MICU2: variants seen among roughly 807,000 people sequenced by gnomAD.
MICU2 encodes calcium uptake protein 2, mitochondrial.
MICU2 carries 64 observed loss-of-function variants against 60.4 expected under a neutral mutation model. The observed-to-expected ratio is 1.06, with a 90% CI of 0.87 to 1.31. The LOEUF is 1.31. Ranked by LOEUF, MICU2 falls within the 50% of genes most tolerant of loss-of-function variation. The pLI is 0.00. For synonymous variants in MICU2, 201 were observed against 175.0 expected (o/e 1.15, Z -1.17); for missense variants, 569 against 531.0 (o/e 1.07, Z -0.70).
chr13:21,534,287 C>A (rs544791762), intron 4 of MICU2, among the ~76,000 whole-genome samples: 120 of 151,898 alleles, frequency 7.9e-4, no homozygotes, highest in African/African-American at 2.7e-3. Flanking sequence ...CTCACTGAAG[C>A]CAGCTTCTTA....
intron 2 of MICU2, among the ~76,000 whole-genome samples, chr13:21,544,682 T>C (rs1887370849): frequency 6.6e-6 from 1 of 152,154 alleles, no homozygotes; most frequent in Non-Finnish European, 1.5e-5. Context: ...AGACAGGGTC[T>C]TGCTCTGTTG....
At chr13:21,530,831 C>T in intron 4 of MICU2, 3 of 735,042 alleles carry the variant, frequency 4.1e-6, no homozygotes, top group Non-Finnish European at 7.2e-6. Flanking sequence ...CGTGGTGCCC[C>T]CATGGACGAC....
At chr13:21,500,376 A>G (rs1347848004) in intron 9 of MICU2, among the ~76,000 whole-genome samples, 1 of 151,730 alleles carries the variant, frequency 6.6e-6, no homozygotes, top group Admixed American at 6.6e-5. Context: ...TAAATAGGGA[A>G]AAAAAAATCT....
chr13:21,498,446 T>G (rs1355895337), intron 9 of MICU2, among the ~76,000 whole-genome samples: 1 of 145,682 alleles, frequency 6.9e-6, no homozygotes, highest in African/African-American at 2.5e-5. Context: ...TGGCGCAATC[T>G]TGGCTCACTG....
At chr13:21,566,219 C>T (rs989840146) in intron 2 of MICU2, among the ~76,000 whole-genome samples, 8 of 152,142 alleles carry the variant, frequency 5.3e-5, no homozygotes, top group African/African-American at 1.9e-4. Context: ...TATTCCAGTA[C>T]ACTTAGGAAG....
chr13:21,588,775 C>A (rs144920857), intron 1 of MICU2, among the ~76,000 whole-genome samples: 2,282 of 152,182 alleles, frequency 0.015, 44 homozygotes, highest in African/African-American at 0.047. Flanking sequence ...AATAAGACAT[C>A]GTAAAGCAAG....
intron 7 of MICU2, 101 bp downstream of exon 7, chr13:21,514,252 T>C (rs1344692916): frequency 3.0e-5 from 30 of 989,258 alleles, no homozygotes; most frequent in Non-Finnish European, 4.0e-5. Context: ...AAAAATTAAA[T>C]TGCTGATACC....
At chr13:21,573,360 G>A (rs1004276433) in intron 1 of MICU2, among the ~76,000 whole-genome samples, 16 of 151,822 alleles carry the variant, frequency 1.1e-4, no homozygotes, top group African/African-American at 3.2e-4. Context: ...TGCAAGCTCC[G>A]CCTCCTGGGT....
At chr13:21,599,945 T>C (rs770389408) in intron 1 of MICU2, among the ~76,000 whole-genome samples, 1 of 152,248 alleles carries the variant, frequency 6.6e-6, no homozygotes, top group Non-Finnish European at 1.5e-5. Context: ...AGGCAGTTAC[T>C]GTAATACCAC....
At chr13:21,515,634 G>T in intron 6 of MICU2, 1 of 380,850 alleles carries the variant, frequency 2.6e-6, no homozygotes, top group Admixed American at 3.1e-5. Flanking sequence ...CCAAACTATG[G>T]ATTCAAATCA....
chr13:21,508,639 TCTC>T (rs1345152656), intron 8 of MICU2, among the ~76,000 whole-genome samples: 1 of 152,128 alleles, frequency 6.6e-6, no homozygotes, highest in Non-Finnish European at 1.5e-5. Flanking sequence ...CAGCCTCCAT[TCTC>T]CTCACCTTAT....
rs570750863 is a variant in MICU2 at position 21,520,698 on chromosome 13, C to T, written c.597+547G>A. ...AATATTAGCACCAAATTTTTGGGAACGGAGTCAAATTTACTTGTTGGGTGT... is the reference window on the plus strand; with the variant it reads ...AATATTAGCACCAAATTTTTGGGAATGGAGTCAAATTTACTTGTTGGGTGT... On this transcript the variant is annotated intron_variant, in intron 6 of 11. Coordinates refer to ENST00000382374, the MANE Select transcript of MICU2 (RefSeq NM_152726.3). Among the ~76,000 whole-genome samples, 275 of 150,216 alleles carry T rather than the reference C, an allele frequency of 1.8e-3. 1 individual carries two copies. The highest frequency in any genetic ancestry group is 2.9e-3 in the Non-Finnish European group (198 of 67,660).
chr13:21,566,757 T>C, intron 2 of MICU2, 40 bp downstream of exon 2: 1 of 1,494,390 alleles, frequency 6.7e-7, no homozygotes, highest in Middle Eastern at 1.7e-4. Flanking sequence ...AGCCCTGAAG[T>C]CTGATTTTTT....
At chr13:21,568,505 T>G (rs1888034554) in intron 1 of MICU2, among the ~76,000 whole-genome samples, 1 of 152,206 alleles carries the variant, frequency 6.6e-6, no homozygotes, top group African/African-American at 2.4e-5. Flanking sequence ...ATCCCCGTAA[T>G]CAGAAAACTA....
At chr13:21,504,854 T>C (rs573930328) in intron 8 of MICU2, among the ~76,000 whole-genome samples, 43 of 152,188 alleles carry the variant, frequency 2.8e-4, no homozygotes, top group Non-Finnish European at 4.9e-4. Context: ...ATACTACTAA[T>C]TGGCAAACAC....
At chr13:21,543,177 A>G (rs1887324758) in intron 2 of MICU2, among the ~76,000 whole-genome samples, 1 of 152,210 alleles carries the variant, frequency 6.6e-6, no homozygotes. Context: ...CATTAGCAAA[A>G]CTAACCTTCT....
chr13:21,515,049 G>A (rs926226340), intron 6 of MICU2, among the ~76,000 whole-genome samples: 2 of 150,740 alleles, frequency 1.3e-5, no homozygotes, highest in African/African-American at 4.9e-5. Flanking sequence ...ATAATTAGTT[G>A]TATCACTAGT....
At chr13:21,531,258 T>C (rs943904228) in intron 4 of MICU2, 39 of 1,394,762 alleles carry the variant, frequency 2.8e-5, no homozygotes, top group Admixed American at 1.7e-4. Context: ...ATATTGGAGA[T>C]AGATTGGAAG....
chr13:21,522,043 C>G (rs917071633), intron 5 of MICU2, among the ~76,000 whole-genome samples: 1 of 152,228 alleles, frequency 6.6e-6, no homozygotes, highest in African/African-American at 2.4e-5. Context: ...GCCCCCACAC[C>G]TGGTCTTCCT....
Sources: gnomAD v4.1 joint callset for allele counts (sites outside exome capture counted in the v4.1 genomes callset) on GRCh38, gnomAD v4.1.1 for gene constraint, MANE v1.5 for transcripts, NCBI Gene and HGNC (gene_info 2026-07-23, HGNC 2026-07-21) for gene names.